ST6GAL2: variants seen among roughly 807,000 people sequenced by gnomAD.
The protein encoded by ST6GAL2 is ST6 beta-galactoside alpha-2,6-sialyltransferase 2, also known as beta-galactoside alpha-2,6-sialyltransferase 2.
Under a neutral mutation model 37.5 loss-of-function variants are expected in ST6GAL2, and 24 were observed. The observed-to-expected ratio is 0.64, with a 90% CI of 0.46 to 0.90. ST6GAL2 has a LOEUF of 0.90. ST6GAL2 is among the 40% of genes least tolerant of loss of function. The pLI, the probability that ST6GAL2 is intolerant of heterozygous loss-of-function variation, is 0.00. For synonymous variants in ST6GAL2, 306 were observed against 295.1 expected (o/e 1.04, Z -0.38); for missense variants, 715 against 712.7 (o/e 1.00, Z -0.04).
At chr2:106,811,039 G>A (rs1675590581) in intron 5 of ST6GAL2, among the ~76,000 whole-genome samples, 1 of 152,038 alleles carries the variant, frequency 6.6e-6, no homozygotes, top group Non-Finnish European at 1.5e-5. Context: ...TGCCAAAGAC[G>A]TAGAATATTC....
chr2:106,885,560 G>A (rs1678944718), intron 1 of ST6GAL2, among the ~76,000 whole-genome samples: 1 of 152,032 alleles, frequency 6.6e-6, no homozygotes, highest in Admixed American at 6.6e-5. Context: ...CACAGAACCG[G>A]CAAATCCGAA....
chr2:106,864,742 C>A (rs1372291601), intron 1 of ST6GAL2, among the ~76,000 whole-genome samples: 1 of 152,206 alleles, frequency 6.6e-6, no homozygotes, highest in Non-Finnish European at 1.5e-5. Context: ...ATTAATGTAT[C>A]GCCAGGCACA....
rs143600895 is a variant in ST6GAL2 at position 106,820,979 on chromosome 2, C to T, written c.1318+9087G>A. Among the ~76,000 whole-genome samples, 87 of 151,904 alleles carry T rather than the reference C, an allele frequency of 5.7e-4. 1 individual carries two copies. The East Asian group carries it at 0.016, about 27-fold the overall frequency. Reference sequence around the variant, plus strand: ...ATAGTGAAAACACAACATACCAAAACCTATGAGATAAAGCAAAAGTAGTAC... The same window carrying T: ...ATAGTGAAAACACAACATACCAAAATCTATGAGATAAAGCAAAAGTAGTAC... On this transcript the variant is annotated intron_variant, in intron 5 of 5. Transcript: ENST00000409382.
chr2:106,827,171 A>G (rs1676241384), intron 5 of ST6GAL2, among the ~76,000 whole-genome samples: 1 of 152,190 alleles, frequency 6.6e-6, no homozygotes. Context: ...TGAAGGGGGC[A>G]TTTGGAGAAC....
intron 1 of ST6GAL2, among the ~76,000 whole-genome samples, chr2:106,869,485 C>T (rs956988925): frequency 2.0e-5 from 3 of 152,100 alleles, no homozygotes; most frequent in African/African-American, 4.8e-5. Context: ...CTAGGAAGCC[C>T]GCAATTTGGA....
chr2:106,839,102 T>C (rs1676767226), intron 2 of ST6GAL2, among the ~76,000 whole-genome samples: 1 of 152,030 alleles, frequency 6.6e-6, no homozygotes, highest in Non-Finnish European at 1.5e-5. Context: ...GTCTGTACTA[T>C]ATAAGTGGTA....
intron 5 of ST6GAL2, among the ~76,000 whole-genome samples, chr2:106,825,693 C>A (rs1676174322): frequency 6.6e-6 from 1 of 152,212 alleles, no homozygotes; most frequent in South Asian, 2.1e-4. Context: ...CAGACACTGA[C>A]CATTCCTTGA....
At chr2:106,869,898 C>A (rs6705893) in intron 1 of ST6GAL2, among the ~76,000 whole-genome samples, 1 of 152,192 alleles carries the variant, frequency 6.6e-6, no homozygotes, top group Non-Finnish European at 1.5e-5. Context: ...GCCCACAAGG[C>A]ACCTGACCTT....
At chr2:106,835,360 C>T (rs1676594159) in intron 2 of ST6GAL2, among the ~76,000 whole-genome samples, 1 of 152,196 alleles carries the variant, frequency 6.6e-6, no homozygotes, top group Non-Finnish European at 1.5e-5. Context: ...GCTATCTGCT[C>T]CTTTGGAGTT....
At chr2:106,837,191 T>C (rs1245984961) in intron 2 of ST6GAL2, among the ~76,000 whole-genome samples, 1 of 152,202 alleles carries the variant, frequency 6.6e-6, no homozygotes, top group Admixed American at 6.5e-5. Flanking sequence ...TTGTATTTCA[T>C]GAAAAAAGTG....
At chr2:106,844,125 T>C (rs1677052271) in intron 1 of ST6GAL2, 91 bp from the exon 2 acceptor site, 12 of 609,948 alleles carry the variant, frequency 2.0e-5, no homozygotes, top group Non-Finnish European at 3.3e-5. Context: ...TTTCTGTAGG[T>C]GGTGGGGTGG....
chr2:106,860,244 T>C (rs1677742933), intron 1 of ST6GAL2, among the ~76,000 whole-genome samples: 1 of 152,216 alleles, frequency 6.6e-6, no homozygotes, highest in African/African-American at 2.4e-5. Flanking sequence ...CTTTCTTCTC[T>C]AGTGAGCTCT....
chr2:106,866,158 TATG>T (rs1678017476), intron 1 of ST6GAL2, among the ~76,000 whole-genome samples: 1 of 152,222 alleles, frequency 6.6e-6, no homozygotes, highest in Non-Finnish European at 1.5e-5. Context: ...GCCTCAATTT[TATG>T]ATGAAGAAAT....
chr2:106,808,829 A>C (rs935137618), intron 5 of ST6GAL2, among the ~76,000 whole-genome samples: 7 of 152,194 alleles, frequency 4.6e-5, no homozygotes, highest in Non-Finnish European at 1.0e-4. Flanking sequence ...GACATGGTGA[A>C]ATCCCATCTC....
intron 1 of ST6GAL2, 59 bp downstream of exon 1, chr2:106,886,034 G>C (rs767588888): frequency 6.6e-6 from 1 of 152,236 alleles, no homozygotes; most frequent in African/African-American, 2.4e-5. Context: ...ACAGCAGCGC[G>C]GAGGCTGCAG....
chr2:106,839,146 A>T (rs1397011965), intron 2 of ST6GAL2, among the ~76,000 whole-genome samples: 2 of 152,188 alleles, frequency 1.3e-5, no homozygotes, highest in African/African-American at 4.8e-5. Context: ...TAATATTCAT[A>T]GAGTGGCTTG....
intron 1 of ST6GAL2, among the ~76,000 whole-genome samples, chr2:106,853,034 T>G (rs1391102599): frequency 2.6e-5 from 4 of 152,186 alleles, no homozygotes; most frequent in Non-Finnish European, 4.4e-5. Flanking sequence ...CCCTGTCTTT[T>G]TTTCACTAGA....
intron 1 of ST6GAL2, among the ~76,000 whole-genome samples, chr2:106,852,845 A>G (rs1573280040): frequency 1.3e-5 from 2 of 152,194 alleles, no homozygotes; most frequent in African/African-American, 4.8e-5. Context: ...AAGGTATCCC[A>G]GGCTGCCACT....
intron 5 of ST6GAL2, among the ~76,000 whole-genome samples, chr2:106,816,913 G>A (rs1357545454): frequency 1.3e-5 from 2 of 152,162 alleles, no homozygotes; most frequent in Non-Finnish European, 2.9e-5. Flanking sequence ...TTGTGGGGAG[G>A]GAAAGTGCAG....
Sources: allele counts gnomAD v4.1 joint callset (sites outside exome capture counted in the v4.1 genomes callset), GRCh38; gene constraint gnomAD v4.1.1; transcripts MANE v1.5; gene names NCBI Gene and HGNC (gene_info 2026-07-23, HGNC 2026-07-21).